The following ARID2 variants were observed in gnomAD, a reference collection of about 807,000 sequenced individuals.
ARID2 encodes AT-rich interaction domain 2.
ARID2 carries 32 observed loss-of-function variants against 184.6 expected under a neutral mutation model. The observed-to-expected ratio is 0.17, with a 90% CI of 0.13 to 0.23. ARID2 has a LOEUF of 0.23. ARID2 is among the 10% of genes least tolerant of loss of function. ARID2 has a pLI of 1.00. For synonymous variants in ARID2, 836 were observed against 772.6 expected (o/e 1.08, Z -1.36); for missense variants, 1,696 against 2,197.6 (o/e 0.77, Z 4.56).
chr12:45,835,622 C>T (rs1483534403), intron 6 of ARID2, among the ~76,000 whole-genome samples: 1 of 152,130 alleles, frequency 6.6e-6, no homozygotes, highest in Non-Finnish European at 1.5e-5. Context: ...GATTTCCAGG[C>T]CGGGCGCTGT....
intron 3 of ARID2, among the ~76,000 whole-genome samples, chr12:45,744,530 C>T (rs142812396): frequency 3.5e-3 from 531 of 152,160 alleles, no homozygotes; most frequent in Middle Eastern, 6.8e-3. Context: ...TACAAGTCAG[C>T]TACAGTGCTG....
intron 3 of ARID2, among the ~76,000 whole-genome samples, chr12:45,770,425 A>G (rs965557975): frequency 7.2e-5 from 11 of 152,060 alleles, no homozygotes; most frequent in African/African-American, 2.7e-4. Flanking sequence ...CACCTGGGCT[A>G]AGTCTGACTT....
chr12:45,868,615 TAATA>T (rs1167145119), intron 16 of ARID2, among the ~76,000 whole-genome samples: 1 of 152,208 alleles, frequency 6.6e-6, no homozygotes, highest in Non-Finnish European at 1.5e-5. Context: ...TGTAATACAT[TAATA>T]TTTTTACTTT....
chr12:45,783,954 G>A (rs898880503), intron 3 of ARID2, among the ~76,000 whole-genome samples: 2 of 152,088 alleles, frequency 1.3e-5, no homozygotes, highest in African/African-American at 4.8e-5. Context: ...TCTATAAAGT[G>A]GACAGAATCC....
intron 16 of ARID2, chr12:45,874,331 T>TAAAA: frequency 6.5e-6 from 1 of 153,044 alleles, no homozygotes; most frequent in Non-Finnish European, 1.4e-5. Context: ...CCCTGTCTCT[T>TAAAA]AAAAAAAAAA....
In ARID2 at chr12:45,880,534, T is replaced by C. The variant is rs539420880; in HGVS notation, c.4923-11246T>C. Among the ~76,000 whole-genome samples, 8 of 152,348 alleles carry C rather than the reference T, an allele frequency of 5.3e-5. No individual in the cohort carries two copies. In the East Asian group the frequency reaches 1.5e-3, roughly 29 times the overall value. Reference sequence around the variant, plus strand: ...AGAATAATTTTTTTGTTTGTTTGTTTATTTGTTGGGTGACCCAGGCAATTT... The same window carrying C: ...AGAATAATTTTTTTGTTTGTTTGTTCATTTGTTGGGTGACCCAGGCAATTT... On this transcript the variant is annotated intron_variant, in intron 16 of 20. Coordinates refer to ENST00000334344, the MANE Select transcript of ARID2 (RefSeq NM_152641.4).
chr12:45,841,872 T>C (rs1170678668), intron 11 of ARID2: 1 of 152,208 alleles, frequency 6.6e-6, no homozygotes, highest in Non-Finnish European at 1.5e-5. Flanking sequence ...AGATTCTTTT[T>C]TATTCATCAC....
In ARID2 at chr12:45,729,881, G is replaced by GGGACTCGCTTTCCT; in HGVS notation, c.50_63dup (p.Glu22SerfsTer41). 6.2e-7 allele frequency: 1 copy of GGGACTCGCTTTCCT among 1,611,590 alleles called. No individual in the cohort carries two copies. Among genetic ancestry groups the GGGACTCGCTTTCCT allele is most frequent in the Non-Finnish European group, 8.5e-7 (1 of 1,179,194 alleles). ...AGGCGCCTCCGGACGAGCGGAGAAAGGGACTCGCTTTCCTGGACGAGCTGC... is the reference window on the plus strand; with the variant it reads ...AGGCGCCTCCGGACGAGCGGAGAAAGGGACTCGCTTTCCTGGACTCGCTTTCCTGGACGAGCTGC... On this transcript the variant is annotated frameshift_variant, in exon 1 of 21. Transcript: ENST00000334344. LOFTEE classifies it high-confidence loss of function.
At chr12:45,854,623 C>T (rs1592123401) in intron 15 of ARID2, among the ~76,000 whole-genome samples, 1 of 152,254 alleles carries the variant, frequency 6.6e-6, no homozygotes. Context: ...GTGCCTGTTA[C>T]TCCTCTTAGA....
chr12:45,876,270 G>T (rs537221229), intron 16 of ARID2, among the ~76,000 whole-genome samples: 1 of 152,334 alleles, frequency 6.6e-6, no homozygotes, highest in East Asian at 1.9e-4. Context: ...ATAACATTTG[G>T]CTGGGTGCAG....
chr12:45,903,309 A>G (rs969301888), intron 20 of ARID2, among the ~76,000 whole-genome samples: 9 of 152,120 alleles, frequency 5.9e-5, no homozygotes, highest in African/African-American at 2.2e-4. Context: ...TCTAAACCAT[A>G]TTCTGTTTTT....
chr12:45,787,609 A>G (rs1942219875), intron 3 of ARID2, among the ~76,000 whole-genome samples: 1 of 152,172 alleles, frequency 6.6e-6, no homozygotes, highest in Admixed American at 6.5e-5. Flanking sequence ...TGATTAAAAA[A>G]TAGAAAATAT....
intron 16 of ARID2, among the ~76,000 whole-genome samples, chr12:45,875,784 C>G (rs1463787495): frequency 6.6e-6 from 1 of 152,226 alleles, no homozygotes. Flanking sequence ...TCTGCAGCTT[C>G]TCTACCTCTC....
chr12:45,761,094 A>T (rs1443239243), intron 3 of ARID2, among the ~76,000 whole-genome samples: 2 of 152,148 alleles, frequency 1.3e-5, no homozygotes, highest in African/African-American at 4.8e-5. Flanking sequence ...ATTTAATGTG[A>T]TTATTTCTAT....
At chr12:45,842,638 TC>T (rs908737206) in intron 11 of ARID2, among the ~76,000 whole-genome samples, 2 of 151,646 alleles carry the variant, frequency 1.3e-5, no homozygotes, top group African/African-American at 4.9e-5. Context: ...GCGCCTGTAG[TC>T]CCAGCTACTC....
chr12:45,791,792 A>G (rs1192200815), intron 3 of ARID2, among the ~76,000 whole-genome samples: 2 of 152,210 alleles, frequency 1.3e-5, no homozygotes, highest in African/African-American at 2.4e-5. Context: ...ACTATCTGAT[A>G]TAATTCCCAC....
At chr12:45,780,661 T>A (rs1345009342) in intron 3 of ARID2, among the ~76,000 whole-genome samples, 1 of 152,042 alleles carries the variant, frequency 6.6e-6, no homozygotes, top group Non-Finnish European at 1.5e-5. Context: ...TCTTATTGCC[T>A]AGGCTGGGGT....
chr12:45,851,179 C>G lies in ARID2; in HGVS notation c.3056C>G (p.Pro1019Arg), dbSNP rs2138168597. 6.2e-7 allele frequency: 1 copy of G among 1,614,062 alleles called. No homozygotes were observed. The highest frequency in any genetic ancestry group is 8.5e-7 in the Non-Finnish European group (1 of 1,179,982). The change falls in exon 15 of 21, where the codon CCA becomes CGA. Residue 1019 changes from proline to arginine, a missense_variant. Transcript: ENST00000334344. ...AGGCAGCAACAGCAGCAACATTCACCAGCACCCCCACCACAGCAGGTACAA... is the reference window on the plus strand; with the variant it reads ...AGGCAGCAACAGCAGCAACATTCACGAGCACCCCCACCACAGCAGGTACAA... ...VKRQQQQQHSPAPPPQQVQVQ... is the reference protein window; with the variant it reads ...VKRQQQQQHSRAPPPQQVQVQ...
At chr12:45,784,260 A>G (rs1942152015) in intron 3 of ARID2, among the ~76,000 whole-genome samples, 1 of 152,056 alleles carries the variant, frequency 6.6e-6, no homozygotes, top group African/African-American at 2.4e-5. Flanking sequence ...GCCCCAAGTG[A>G]TCCTCCTGCT....
Sources: allele counts gnomAD v4.1 joint callset (sites outside exome capture counted in the v4.1 genomes callset), GRCh38; gene constraint gnomAD v4.1.1; transcripts MANE v1.5; gene names NCBI Gene and HGNC (gene_info 2026-07-23, HGNC 2026-07-21).